The following CNOT4 variants were observed in gnomAD, a reference collection of about 807,000 sequenced individuals.
The protein encoded by CNOT4 is CCR4-associated factor 4.
Under a neutral mutation model 73.8 loss-of-function variants are expected in CNOT4, and 8 were observed. The observed-to-expected ratio is 0.11, with a 90% confidence interval of 0.06 to 0.20. CNOT4 has a LOEUF of 0.20. CNOT4 is among the 10% of genes least tolerant of loss of function. The probability of loss-of-function intolerance (pLI) is 1.00; values close to 1 mark genes in which losing one functional copy is unlikely to be tolerated. For synonymous variants in CNOT4, 293 were observed against 321.1 expected (o/e 0.91, Z 0.94); for missense variants, 564 against 883.4 (o/e 0.64, Z 4.58).
intron 10 of CNOT4, among the ~76,000 whole-genome samples, chr7:135,375,569 G>T (rs1795468685): frequency 6.6e-6 from 1 of 152,172 alleles, no homozygotes; most frequent in Non-Finnish European, 1.5e-5. Flanking sequence ...TTTATATATA[G>T]ATTTATGGGT....
chr7:135,439,596 T>G (rs866925125), intron 1 of CNOT4, among the ~76,000 whole-genome samples: 1 of 152,088 alleles, frequency 6.6e-6, no homozygotes, highest in African/African-American at 2.4e-5. Context: ...CAGCACAACA[T>G]AGCAAAGCCC....
intron 7 of CNOT4, among the ~76,000 whole-genome samples, chr7:135,401,862 C>T (rs1160873566): frequency 1.3e-5 from 2 of 152,128 alleles, no homozygotes; most frequent in African/African-American, 4.8e-5. Flanking sequence ...AAAGAGAAAT[C>T]AAGATGCTGA....
chr7:135,393,060 G>C (rs2129483330), intron 10 of CNOT4, among the ~76,000 whole-genome samples: 2 of 152,262 alleles, frequency 1.3e-5, no homozygotes, highest in Middle Eastern at 3.4e-3. Context: ...TATTTCACTT[G>C]AGAGAATCAG....
chr7:135,384,454 T>G, intron 10 of CNOT4: 2 of 455,796 alleles, frequency 4.4e-6, no homozygotes, highest in Non-Finnish European at 8.0e-6. Context: ...CCAGCTAATT[T>G]TTTTGTATTT....
chr7:135,457,733 T>C (rs1209327876), intron 1 of CNOT4, among the ~76,000 whole-genome samples: 1 of 152,104 alleles, frequency 6.6e-6, no homozygotes, highest in Non-Finnish European at 1.5e-5. Flanking sequence ...GTAATACAAT[T>C]AGCAATGACA....
chr7:135,453,850 T>TATATATATATA (rs1800354094), intron 1 of CNOT4, among the ~76,000 whole-genome samples: 1 of 133,940 alleles, frequency 7.5e-6, no homozygotes. Context: ...ATATATATTA[T>TATATATATATA]ATATATAGCT....
intron 1 of CNOT4, among the ~76,000 whole-genome samples, chr7:135,491,819 T>G (rs1162088580): frequency 6.6e-6 from 1 of 152,206 alleles, no homozygotes. Context: ...GCTAGGGCAA[T>G]GTCCAGAGTA....
At position 135,503,995 on chromosome 7, in the gene CNOT4, A is replaced by G. The variant is rs572771014; in HGVS notation, c.-93+5894T>C. Among the ~76,000 whole-genome samples the G allele has an allele frequency of 7.1e-4, 108 of 152,332 alleles. 2 individuals are homozygous for G. The highest frequency in any genetic ancestry group is 6.8e-3 in the Middle Eastern group (2 of 294). The stretch of plus-strand genomic sequence containing the variant: ...GTTGCTACAACCAATGTTCAATAAC[A>G]CAAATCAGCCAATGTTATTTTAGAA... On this transcript the variant is annotated intron_variant, in intron 1 of 11. Transcript: ENST00000541284.
chr7:135,469,844 T>C (rs1801463748), intron 1 of CNOT4, among the ~76,000 whole-genome samples: 1 of 152,052 alleles, frequency 6.6e-6, no homozygotes, highest in South Asian at 2.1e-4. Flanking sequence ...GTTTTTGAGA[T>C]GGAGTCTTGA....
At chr7:135,468,953 T>TA (rs1305126147) in intron 1 of CNOT4, among the ~76,000 whole-genome samples, 2 of 152,016 alleles carry the variant, frequency 1.3e-5, no homozygotes, top group African/African-American at 4.8e-5. Context: ...TTAGAGACTG[T>TA]AATGGAGAAA....
chr7:135,388,208 G>C (rs1273428916), intron 10 of CNOT4: 18 of 985,044 alleles, frequency 1.8e-5, no homozygotes, highest in Non-Finnish European at 2.2e-5. Flanking sequence ...GTGCAAAAGT[G>C]CAAAAGAGAG....
At chr7:135,444,389 C>T (rs764446315) in intron 1 of CNOT4, 17 of 702,410 alleles carry the variant, frequency 2.4e-5, no homozygotes, top group Admixed American at 2.0e-5. Context: ...TGGAGGCATA[C>T]ACAAAATGTG....
At chr7:135,408,170 C>T (rs1255350812) in intron 7 of CNOT4, among the ~76,000 whole-genome samples, 2 of 152,140 alleles carry the variant, frequency 1.3e-5, no homozygotes, top group Non-Finnish European at 2.9e-5. Flanking sequence ...TTATATGTTA[C>T]AACCATATAA....
intron 1 of CNOT4, among the ~76,000 whole-genome samples, chr7:135,491,135 T>C (rs1373945640): frequency 6.6e-6 from 1 of 152,216 alleles, no homozygotes; most frequent in South Asian, 2.1e-4. Context: ...AAAGCAAGAA[T>C]TCCATTTTGG....
intron 3 of CNOT4, 88 bp from the exon 4 acceptor site, chr7:135,415,350 G>T: frequency 1.6e-6 from 1 of 636,966 alleles, no homozygotes. Flanking sequence ...TCCCTCTTCA[G>T]CAAAAGGAAA....
intron 1 of CNOT4, among the ~76,000 whole-genome samples, chr7:135,458,031 G>GT (rs1266818063): frequency 1.3e-5 from 2 of 152,190 alleles, no homozygotes; most frequent in African/African-American, 4.8e-5. Flanking sequence ...TTGTTTCAAA[G>GT]TTTTTGCTAC....
chr7:135,496,631 C>CCT (rs112838755), intron 1 of CNOT4, among the ~76,000 whole-genome samples: 6,511 of 148,520 alleles, frequency 0.044, 195 homozygotes, highest in African/African-American at 0.081. Context: ...TCTTCCTATT[C>CCT]CTCTCTCTCT....
rs1796546426 is a variant in CNOT4 at position 135,394,081 on chromosome 7, T to A, written c.1464A>T (p.Ser488=). Residue 488 remains serine, a synonymous_variant, in exon 10 of 12, where the codon TCA becomes TCT. Transcript: ENST00000541284. ...GGGCTGCCTGGCCTGGAAAACTGAA[T>A]GAATTATAAACCGCTCGGTGCTGCT... is the stretch of plus-strand genomic sequence containing the variant. ...QFQQHRAVYN[S]FSFPGQAARY... The A allele has an allele frequency of 1.9e-6, 3 of 1,614,110 alleles. No individual in the cohort carries two copies. The highest frequency in any genetic ancestry group is 2.5e-6 in the Non-Finnish European group (3 of 1,180,010).
intron 2 of CNOT4, among the ~76,000 whole-genome samples, chr7:135,429,104 G>T (rs1055485516): frequency 6.6e-6 from 1 of 151,994 alleles, no homozygotes; most frequent in Non-Finnish European, 1.5e-5. Context: ...TTATAAATAC[G>T]GATGTCAGTT....
Sources: allele counts gnomAD v4.1 joint callset (sites outside exome capture counted in the v4.1 genomes callset), GRCh38; gene constraint gnomAD v4.1.1; transcripts MANE v1.5; gene names NCBI Gene and HGNC (gene_info 2026-07-23, HGNC 2026-07-21).